The following SLC44A1 variants were observed in gnomAD, a reference collection of about 807,000 sequenced individuals.
SLC44A1 encodes the protein choline transporter-like protein 1.
In SLC44A1, 26 loss-of-function variants were observed where a neutral mutation model predicts 79.3. The ratio of observed to expected loss-of-function variants is 0.33; its 90% CI spans 0.24 to 0.46. The LOEUF is 0.46. Among genes scored for constraint, SLC44A1 ranks in the 20% least tolerant of loss-of-function variants. The pLI is 1.00. For missense variants in SLC44A1, 688 were observed against 798.1 expected, an observed-to-expected ratio of 0.86 and a Z score of 1.66; for synonymous variants, 263 against 286.2, an observed-to-expected ratio of 0.92 and a Z score of 0.82.
chr9:105,394,785 G>C lies in SLC44A1; in HGVS notation c.*5729G>C. 1 of 985,424 alleles carries C rather than the reference G, an allele frequency of 1.0e-6. No homozygotes were observed. The highest frequency in any genetic ancestry group is 4.7e-5 in the South Asian group (1 of 21,286). 61.0% of individuals were successfully genotyped at this position (985,424 alleles called of 1,614,324 possible). A position where few individuals can be genotyped will look rare whatever the true frequency, so the allele number is the denominator to read the frequency against. On this transcript the variant is annotated 3_prime_UTR_variant, in exon 16 of 16. Transcript: ENST00000374720. ...GTTGGAGGAGCAGATGCTGAAGGTA[G>C]AAATGCAAAAGATGTTTTTTCTTCC...
intron 15 of SLC44A1, among the ~76,000 whole-genome samples, chr9:105,431,077 C>T (rs1041959145): frequency 1.3e-5 from 2 of 152,038 alleles, no homozygotes; most frequent in Non-Finnish European, 2.9e-5. Flanking sequence ...CTGTCTTTTC[C>T]TTGGTTGCTT....
At chr9:105,399,821 G>A (rs892458987), downstream of SLC44A1, among the ~76,000 whole-genome samples, 3 of 152,152 alleles carry the variant, frequency 2.0e-5, no homozygotes, top group Admixed American at 2.0e-4. Flanking sequence ...TTAAAATATA[G>A]TAGGTGCTCT....
intron 12 of SLC44A1, among the ~76,000 whole-genome samples, chr9:105,373,342 A>G (rs80334047): frequency 0.015 from 2,291 of 152,336 alleles, 52 homozygotes; most frequent in African/African-American, 0.053. Flanking sequence ...AGACTCAAAC[A>G]TATTTGATGT....
At chr9:105,262,812 A>G (rs1829873074) in intron 1 of SLC44A1, among the ~76,000 whole-genome samples, 1 of 152,206 alleles carries the variant, frequency 6.6e-6, no homozygotes, top group African/African-American at 2.4e-5. Context: ...CTTTCCATTT[A>G]TCTTCCAGCT....
chr9:105,386,287 T>C, intron 15 of SLC44A1: 3 of 953,226 alleles, frequency 3.1e-6, no homozygotes, highest in South Asian at 9.7e-5. Context: ...GCCTCTATCA[T>C]ATATTGGTCT....
At chr9:105,407,067 T>G (rs974520644) in intron 15 of SLC44A1, among the ~76,000 whole-genome samples, 8 of 152,068 alleles carry the variant, frequency 5.3e-5, no homozygotes, top group African/African-American at 1.9e-4. Flanking sequence ...CAACTGAGAT[T>G]ATTCAGTCTA....
At chr9:105,373,530 A>G (rs149070875) in intron 12 of SLC44A1, among the ~76,000 whole-genome samples, 46 of 152,324 alleles carry the variant, frequency 3.0e-4, no homozygotes, top group Non-Finnish European at 5.7e-4. Flanking sequence ...AAGGAACAGA[A>G]GGCTCAGCTC....
At chr9:105,410,172 G>A (rs1233653842) in intron 15 of SLC44A1, among the ~76,000 whole-genome samples, 1 of 152,028 alleles carries the variant, frequency 6.6e-6, no homozygotes, top group Non-Finnish European at 1.5e-5. Context: ...CTTGGATTGG[G>A]CCATTGTTTC....
chr9:105,396,139 T>C lies in SLC44A1; in HGVS notation c.*7083T>C. On this transcript the variant is annotated 3_prime_UTR_variant, in exon 16 of 16. Transcript: ENST00000374720. The stretch of plus-strand genomic sequence containing the variant: ...TTCTTCTGCTGTGTTGCCTTAATGC[T>C]ACTAGATTGTGTTGTGTTGTTGGAG... 1 of 985,414 alleles carries C rather than the reference T, an allele frequency of 1.0e-6. No individual in the cohort carries two copies. Among genetic ancestry groups the C allele is most frequent in the Non-Finnish European group, 1.2e-6 (1 of 829,914 alleles). The allele number at this position is 985,414 out of a possible 1,614,324, so 61.0% of individuals were successfully genotyped here.
At chr9:105,418,826 T>C (rs7031606) in intron 15 of SLC44A1, among the ~76,000 whole-genome samples, 13,878 of 152,218 alleles carry the variant, frequency 0.091, 2,089 homozygotes, top group African/African-American at 0.32. Context: ...GCAGATATTG[T>C]CTAACAGACT....
chr9:105,357,760 G>A (rs1352647449), intron 6 of SLC44A1, among the ~76,000 whole-genome samples: 2 of 152,166 alleles, frequency 1.3e-5, no homozygotes, highest in African/African-American at 4.8e-5. Flanking sequence ...AAATTAGACA[G>A]AGGAAATTCG....
rs937445300 is a variant in SLC44A1, at chr9:105,360,002, C to G, written c.761-1189C>G. On this transcript the variant is annotated intron_variant, in intron 7 of 15. Coordinates refer to ENST00000374720, the MANE Select transcript of SLC44A1 (RefSeq NM_080546.5). ...TCATATCAGCCACACACACACATGTCTCTACTCTGAATCATCCATTTTTTC... is the reference window on the plus strand; with the variant it reads ...TCATATCAGCCACACACACACATGTGTCTACTCTGAATCATCCATTTTTTC... Among the ~76,000 whole-genome samples, 10 of 152,334 alleles carry G rather than the reference C, an allele frequency of 6.6e-5. No individual in the cohort carries two copies. The East Asian group carries it at 1.7e-3, about 26-fold the overall frequency.
intron 1 of SLC44A1, among the ~76,000 whole-genome samples, chr9:105,298,902 G>T (rs1045398056): frequency 3.9e-5 from 6 of 152,084 alleles, no homozygotes; most frequent in Non-Finnish European, 7.3e-5. Flanking sequence ...GACACTCACA[G>T]TCTGCTGGGA....
chr9:105,308,227 A>G (rs548631809), intron 2 of SLC44A1, among the ~76,000 whole-genome samples: 1 of 152,320 alleles, frequency 6.6e-6, no homozygotes, highest in South Asian at 2.1e-4. Context: ...TCTTTCCCTT[A>G]TAGCATATTC....
chr9:105,387,872 T>A (rs1209110943), intron 15 of SLC44A1, among the ~76,000 whole-genome samples: 39 of 152,236 alleles, frequency 2.6e-4, no homozygotes, highest in Non-Finnish European at 5.1e-4. Context: ...TTGCCCAGGT[T>A]ATGTGGCATT....
At chr9:105,344,262 C>T (rs1827182691) in intron 4 of SLC44A1, among the ~76,000 whole-genome samples, 1 of 152,074 alleles carries the variant, frequency 6.6e-6, no homozygotes, top group African/African-American at 2.4e-5. Context: ...AAATTAGCCC[C>T]CAGCATAGAA....
At chr9:105,273,264 T>A (rs975113177) in intron 1 of SLC44A1, among the ~76,000 whole-genome samples, 9 of 152,186 alleles carry the variant, frequency 5.9e-5, no homozygotes, top group African/African-American at 2.2e-4. Context: ...AGTGCTAGGA[T>A]TACAGGCATG....
At chr9:105,327,982 A>T (rs1456260700) in intron 3 of SLC44A1, among the ~76,000 whole-genome samples, 1 of 152,200 alleles carries the variant, frequency 6.6e-6, no homozygotes, top group African/African-American at 2.4e-5. Context: ...ACCTGGCAGA[A>T]TAGGTGTTTG....
rs1041594892 is a variant in SLC44A1 at position 105,395,621 on chromosome 9, A to T, written c.*6565A>T. 1 of 985,350 alleles carries T rather than the reference A, an allele frequency of 1.0e-6. No homozygotes were observed. The allele number at this position is 985,350 out of a possible 1,614,324, so 61.0% of individuals were successfully genotyped here. ...GGCGTAAGTCCAGTCTAAGTATCTA[A>T]ATGTGATATGCCCTTTTGTCACAGA... On this transcript the variant is annotated 3_prime_UTR_variant, in exon 16 of 16. Transcript: ENST00000374720.
Sources: gnomAD v4.1 joint callset for allele counts (sites outside exome capture counted in the v4.1 genomes callset) on GRCh38, gnomAD v4.1.1 for gene constraint, MANE v1.5 for transcripts, NCBI Gene and HGNC (gene_info 2026-07-23, HGNC 2026-07-21) for gene names.